Variants in PRKACB observed in about 807,000 individuals in gnomAD.
The protein encoded by PRKACB is cAMP-dependent protein kinase catalytic subunit beta.
A neutral mutation model predicts 51.4 loss-of-function variants in PRKACB; 16 were observed. The ratio of observed to expected loss-of-function variants is 0.31; its 90% CI spans 0.21 to 0.47. PRKACB has a LOEUF of 0.47. Ranked by LOEUF, PRKACB falls within the 20% of genes least tolerant of loss-of-function variation. The pLI, the probability that PRKACB is intolerant of heterozygous loss-of-function variation, is 1.00. For missense variants in PRKACB, 309 were observed against 464.5 expected, an observed-to-expected ratio of 0.67 and a Z score of 3.08; for synonymous variants, 147 against 154.4, an observed-to-expected ratio of 0.95 and a Z score of 0.35.
intron 1 of PRKACB, among the ~76,000 whole-genome samples, chr1:84,100,593 C>T (rs909980170): frequency 2.0e-5 from 3 of 152,056 alleles, no homozygotes; most frequent in Non-Finnish European, 4.4e-5. Context: ...TGATTCTAGG[C>T]CCTCTGCTCA....
chr1:84,214,061 C>T, intron 8 of PRKACB, 92 bp from the exon 9 acceptor site: 2 of 1,301,810 alleles, frequency 1.5e-6, no homozygotes, highest in African/African-American at 1.5e-5. Flanking sequence ...TATATAATGG[C>T]TTGTTGCCTT....
At chr1:84,192,533 G>A (rs1390114797) in intron 5 of PRKACB, among the ~76,000 whole-genome samples, 2 of 151,966 alleles carry the variant, frequency 1.3e-5, no homozygotes. Flanking sequence ...AAATAGCTGA[G>A]GATTTTTGGG....
At chr1:84,207,953 T>C (rs1278051234) in intron 8 of PRKACB, among the ~76,000 whole-genome samples, 1 of 152,160 alleles carries the variant, frequency 6.6e-6, no homozygotes, top group Admixed American at 6.5e-5. Flanking sequence ...CTGCAGCCTC[T>C]GCCTCCTGGG....
intron 5 of PRKACB, among the ~76,000 whole-genome samples, chr1:84,186,158 T>C (rs1665031690): frequency 6.6e-6 from 1 of 151,996 alleles, no homozygotes; most frequent in Non-Finnish European, 1.5e-5. Context: ...AGAAAACTGG[T>C]TTCAGGTTAC....
Position 84,125,996 on chromosome 1 carries a change from GT to G in PRKACB, c.46+47626del, listed in dbSNP as rs142974207. On this transcript the variant is annotated intron_variant, in intron 1 of 8. Transcript: ENST00000370688. ...CCCTCACGGGACGGGGAGCATGCAG[GT>G]GAGTGGGTACAGGGACTGGGACAAG... Among the ~76,000 whole-genome samples, 32 of 151,120 alleles carry G rather than the reference GT, an allele frequency of 2.1e-4. 1 individual carries two copies. The East Asian group carries it at 5.1e-3, about 24-fold the overall frequency.
chr1:84,154,680 TA>T (rs1316136125), intron 1 of PRKACB, among the ~76,000 whole-genome samples: 1 of 151,122 alleles, frequency 6.6e-6, no homozygotes, highest in African/African-American at 2.5e-5. Flanking sequence ...ACTAGCAAAT[TA>T]AATTCAACAG....
At chr1:84,123,784 A>G (rs768548498) in intron 1 of PRKACB, among the ~76,000 whole-genome samples, 4 of 152,184 alleles carry the variant, frequency 2.6e-5, no homozygotes, top group Admixed American at 1.3e-4. Flanking sequence ...ACTTAGAATG[A>G]TATCTGACAT....
upstream of PRKACB, among the ~76,000 whole-genome samples, chr1:84,141,913 A>G (rs1653458086): frequency 6.6e-6 from 1 of 152,162 alleles, no homozygotes; most frequent in South Asian, 2.1e-4. Context: ...GCACTGAGTA[A>G]AAATGTAATT....
intron 1 of PRKACB, chr1:84,157,482 G>A (rs760620039): frequency 5.3e-5 from 8 of 151,874 alleles, no homozygotes; most frequent in South Asian, 2.1e-4. Context: ...AAGGATTTGC[G>A]CAACCATCAG....
intron 2 of PRKACB, chr1:84,181,825 C>A (rs938963384): frequency 1.3e-6 from 1 of 785,660 alleles, no homozygotes; most frequent in Non-Finnish European, 1.8e-6. Context: ...GACTCTTTGT[C>A]AGTATGCCTC....
At chr1:84,104,281 C>T (rs1019570875) in intron 1 of PRKACB, among the ~76,000 whole-genome samples, 3 of 152,160 alleles carry the variant, frequency 2.0e-5, no homozygotes, top group South Asian at 2.1e-4. Context: ...CCTCTAGGCT[C>T]ATCCATGTTG....
rs565194983 is a variant in PRKACB at position 84,181,685 on chromosome 1, G to T, written c.250-515G>T. ...ATGCTGCTACTATCTAGTTCTATAA[G>T]CTTATATAAAGACAGAAATGAAGCA... On this transcript the variant is annotated intron_variant, in intron 2 of 9. Transcript: ENST00000370685. The T allele has an allele frequency of 4.5e-4, 683 of 1,521,374 alleles. 4 individuals are homozygous for T. The African/African-American group carries it at 8.6e-3, about 19-fold the overall frequency. The allele number at this position is 1,521,374 out of a possible 1,614,324, so 94.2% of individuals were successfully genotyped here.
intron 1 of PRKACB, among the ~76,000 whole-genome samples, chr1:84,139,205 A>G (rs1054965577): frequency 6.6e-6 from 1 of 152,214 alleles, no homozygotes; most frequent in Non-Finnish European, 1.5e-5. Flanking sequence ...AGGCAAGACA[A>G]ATAAATAAAA....
At chr1:84,199,469 A>C (rs780599576) in intron 7 of PRKACB, among the ~76,000 whole-genome samples, 3 of 152,192 alleles carry the variant, frequency 2.0e-5, no homozygotes, top group Admixed American at 6.6e-5. Flanking sequence ...ATGTTCATGC[A>C]AAAGACATGA....
chr1:84,144,150 A>G (rs1032106042), upstream of PRKACB: 4 of 972,904 alleles, frequency 4.1e-6, no homozygotes, highest in African/African-American at 6.9e-5. Flanking sequence ...CAAGTTTTTA[A>G]AATCCTCAAC....
At chr1:84,161,955 T>C (rs1244370185) in intron 1 of PRKACB, among the ~76,000 whole-genome samples, 5 of 152,028 alleles carry the variant, frequency 3.3e-5, no homozygotes, top group Admixed American at 1.3e-4. Context: ...TGTCTAGTAT[T>C]ATTTCCTCTC....
chr1:84,082,309 G>C (rs1647601982), intron 1 of PRKACB, among the ~76,000 whole-genome samples: 1 of 152,058 alleles, frequency 6.6e-6, no homozygotes, highest in Non-Finnish European at 1.5e-5. Context: ...GACAATTATA[G>C]CACATTTCAG....
At chr1:84,125,025 T>C (rs1010449221) in intron 1 of PRKACB, among the ~76,000 whole-genome samples, 6 of 152,194 alleles carry the variant, frequency 3.9e-5, no homozygotes, top group Admixed American at 3.3e-4. Flanking sequence ...TTTTCTATTA[T>C]TGCTATAACT....
chr1:84,209,428 T>G (rs1671813201), intron 8 of PRKACB, among the ~76,000 whole-genome samples: 2 of 151,936 alleles, frequency 1.3e-5, no homozygotes, highest in African/African-American at 4.8e-5. Context: ...AACTCCACCC[T>G]TTCAGTTGGT....
Sources: gnomAD v4.1 joint callset for allele counts (sites outside exome capture counted in the v4.1 genomes callset) on GRCh38, gnomAD v4.1.1 for gene constraint, MANE v1.5 for transcripts, NCBI Gene and HGNC (gene_info 2026-07-23, HGNC 2026-07-21) for gene names.